ETV6: variants seen among roughly 807,000 people sequenced by gnomAD.
ETV6 encodes the protein transcription factor ETV6.
In ETV6, 16 loss-of-function variants were observed where a neutral mutation model predicts 51.1. The ratio of observed to expected loss-of-function variants is 0.31; its 90% CI spans 0.21 to 0.48. ETV6 has a LOEUF of 0.48. Among genes scored for constraint, ETV6 ranks in the 20% least tolerant of loss-of-function variants. ETV6 has a pLI of 0.99. For synonymous variants in ETV6, 240 were observed against 224.1 expected (o/e 1.07, Z -0.64); for missense variants, 458 against 594.8 (o/e 0.77, Z 2.39).
chr12:11,849,709 T>C (rs1454651952), intron 3 of ETV6, among the ~76,000 whole-genome samples: 1 of 152,192 alleles, frequency 6.6e-6, no homozygotes. Flanking sequence ...GCTTGCGCCG[T>C]GACTGGCTAC....
chr12:11,855,162 C>T (rs1218646845), intron 4 of ETV6, among the ~76,000 whole-genome samples: 1 of 150,530 alleles, frequency 6.6e-6, no homozygotes, highest in African/African-American at 2.4e-5. Context: ...AAAAATTAGC[C>T]GGGCATGGTG....
intron 3 of ETV6, among the ~76,000 whole-genome samples, chr12:11,850,655 G>T (rs1354264142): frequency 6.6e-6 from 1 of 152,188 alleles, no homozygotes; most frequent in Non-Finnish European, 1.5e-5. Context: ...CCATCTTATT[G>T]AATCGTTACA....
Position 11,893,055 on chromosome 12 carries a change from G to A in ETV6, c.*2009G>A. On this transcript the variant is annotated 3_prime_UTR_variant, in exon 8 of 8. Coordinates refer to ENST00000396373, the MANE Select transcript of ETV6 (RefSeq NM_001987.5). ...CGAGTGGGTCTCAGTCTGCTTGAAT[G>A]GTGATGAGATTCTGCTGGATCTCAG... 1 of 232,838 alleles carries A rather than the reference G, an allele frequency of 4.3e-6. No homozygotes were observed. The highest frequency in any genetic ancestry group is 1.8e-4 in the South Asian group (1 of 5,516). The allele number at this position is 232,838 out of a possible 1,614,324, so 14.4% of individuals were successfully genotyped here.
At chr12:11,752,266 A>G (rs1312277856) in intron 1 of ETV6, among the ~76,000 whole-genome samples, 184 bp from the exon 2 acceptor site, 1 of 152,142 alleles carries the variant, frequency 6.6e-6, no homozygotes, top group Admixed American at 6.5e-5. Flanking sequence ...CCCCAAGGCT[A>G]GGCATCTGAA....
At chr12:11,727,307 C>T (rs1302020171) in intron 1 of ETV6, among the ~76,000 whole-genome samples, 5 of 152,230 alleles carry the variant, frequency 3.3e-5, no homozygotes, top group Admixed American at 6.5e-5. Flanking sequence ...CGCAGGCGGG[C>T]GCAAGCCAAC....
chr12:11,701,709 G>A (rs961034024), intron 1 of ETV6, among the ~76,000 whole-genome samples: 1 of 152,146 alleles, frequency 6.6e-6, no homozygotes, highest in Non-Finnish European at 1.5e-5. Context: ...GGGAGTACAC[G>A]GTCTTGTAGA....
chr12:11,659,583 G>T (rs1371897206), intron 1 of ETV6, among the ~76,000 whole-genome samples: 1 of 152,102 alleles, frequency 6.6e-6, no homozygotes, highest in Non-Finnish European at 1.5e-5. Flanking sequence ...TCTTTGATGA[G>T]GTCAGTAATC....
chr12:11,888,460 A>G (rs1184399020), intron 7 of ETV6, among the ~76,000 whole-genome samples: 2 of 147,738 alleles, frequency 1.4e-5, no homozygotes, highest in African/African-American at 2.5e-5. Context: ...CAGTGGCACA[A>G]TCTCGACTCA....
intron 1 of ETV6, among the ~76,000 whole-genome samples, chr12:11,729,997 G>A (rs1865563316): frequency 6.6e-6 from 1 of 152,084 alleles, no homozygotes; most frequent in Non-Finnish European, 1.5e-5. Context: ...GGGAGTTCAT[G>A]ACCATCTATG....
chr12:11,731,704 C>G (rs1865602728), intron 1 of ETV6, among the ~76,000 whole-genome samples: 1 of 152,156 alleles, frequency 6.6e-6, no homozygotes, highest in Admixed American at 6.5e-5. Context: ...ACACTTCCTA[C>G]TTTGAGAATA....
chr12:11,702,625 A>G (rs1255946756), intron 1 of ETV6, among the ~76,000 whole-genome samples: 2 of 150,606 alleles, frequency 1.3e-5, no homozygotes, highest in Non-Finnish European at 3.0e-5. Flanking sequence ...AAAAGAAGTC[A>G]AACAAAAATT....
At chr12:11,890,472 A>T (rs1947270148) in intron 7 of ETV6, among the ~76,000 whole-genome samples, 1 of 151,832 alleles carries the variant, frequency 6.6e-6, no homozygotes. Flanking sequence ...TTGTCACCCA[A>T]GTTAGAGTGC....
chr12:11,748,320 T>A (rs1170808244), intron 1 of ETV6, among the ~76,000 whole-genome samples: 2 of 152,220 alleles, frequency 1.3e-5, no homozygotes, highest in Non-Finnish European at 2.9e-5. Flanking sequence ...TAGGGACAAT[T>A]TCCAGGAAAA....
At chr12:11,866,737 T>C (rs1946795544) in intron 4 of ETV6, among the ~76,000 whole-genome samples, 1 of 152,252 alleles carries the variant, frequency 6.6e-6, no homozygotes, top group Non-Finnish European at 1.5e-5. Flanking sequence ...AGCCAGTAGC[T>C]GAGGTTTCCG....
rs1159834204 is a variant in ETV6, at chr12:11,893,975, A to C, written c.*2929A>C. On this transcript the variant is annotated 3_prime_UTR_variant, in exon 8 of 8. Coordinates refer to ENST00000396373, the MANE Select transcript of ETV6 (RefSeq NM_001987.5). The stretch of plus-strand genomic sequence containing the variant: ...CTGTACTACCAATAAGGATTTCGTA[A>C]TTCCCCTAACTGCAAATGTCCTCTT... 1 of 223,442 alleles carries C rather than the reference A, an allele frequency of 4.5e-6. No homozygotes were observed. Among genetic ancestry groups the C allele is most frequent in the Non-Finnish European group, 8.9e-6 (1 of 112,206 alleles). The allele number at this position is 223,442 out of a possible 1,614,324, so 13.8% of individuals were successfully genotyped here. A position where few individuals can be genotyped will look rare whatever the true frequency, so the allele number is the denominator to read the frequency against.
At chr12:11,890,427 CTTT>C (rs11316604) in intron 7 of ETV6, among the ~76,000 whole-genome samples, 1 of 143,408 alleles carries the variant, frequency 7.0e-6, no homozygotes, top group Non-Finnish European at 1.5e-5. Context: ...ACAGCCTAGA[CTTT>C]TTTTTTTTTT....
chr12:11,757,781 G>T (rs1385376518), intron 2 of ETV6, among the ~76,000 whole-genome samples: 2 of 152,216 alleles, frequency 1.3e-5, no homozygotes, highest in East Asian at 3.9e-4. Flanking sequence ...GACCGGTGTG[G>T]TTCTAGTGAT....
At chr12:11,782,640 G>A (rs1025764722) in intron 2 of ETV6, among the ~76,000 whole-genome samples, 3 of 152,210 alleles carry the variant, frequency 2.0e-5, no homozygotes, top group Admixed American at 6.5e-5. Flanking sequence ...AATGCTTGGA[G>A]TCAGTCTGTT....
At chr12:11,700,713 A>G (rs1245673700) in intron 1 of ETV6, among the ~76,000 whole-genome samples, 1 of 152,226 alleles carries the variant, frequency 6.6e-6, no homozygotes, top group African/African-American at 2.4e-5. Flanking sequence ...GAAGTGGAGC[A>G]TCATAAAGGT....
Sources: allele counts gnomAD v4.1 joint callset (sites outside exome capture counted in the v4.1 genomes callset), GRCh38; gene constraint gnomAD v4.1.1; transcripts MANE v1.5; gene names NCBI Gene and HGNC (gene_info 2026-07-23, HGNC 2026-07-21).